Variants in NXPE2 observed in about 807,000 individuals in gnomAD.
The protein encoded by NXPE2 is NXPE family member 2.
Under a neutral mutation model 34.4 loss-of-function variants are expected in NXPE2, and 34 were observed. The observed-to-expected ratio is 0.99, with a 90% CI of 0.75 to 1.31. The LOEUF (loss-of-function observed/expected upper bound fraction) is 1.31, where lower values mean the gene tolerates loss of function less well. Among genes scored for constraint, NXPE2 ranks in the 40% most tolerant of loss-of-function variants. NXPE2 has a pLI of 0.00. For missense variants in NXPE2, 649 were observed against 672.5 expected, an observed-to-expected ratio of 0.97 and a Z score of 0.39; for synonymous variants, 235 against 231.3, an observed-to-expected ratio of 1.02 and a Z score of -0.15.
the NXPE2 span, among the ~76,000 whole-genome samples, chr11:114,775,402 A>C: frequency 6.6e-6 from 1 of 152,186 alleles, no homozygotes; most frequent in East Asian, 1.9e-4. Context: ...CAAGAGGACA[A>C]CACCTTTTCT....
the NXPE2 span, chr11:114,580,391 G>A: frequency 1.3e-6 from 2 of 1,515,620 alleles, no homozygotes; most frequent in Admixed American, 1.7e-5. Flanking sequence ...TTACCCGTCA[G>A]TATGTATTAA....
chr11:114,572,346 C>T, the NXPE2 span, among the ~76,000 whole-genome samples: 2 of 152,044 alleles, frequency 1.3e-5, no homozygotes, highest in East Asian at 1.9e-4. Flanking sequence ...CAGTTCACCA[C>T]CAATGGATCT....
chr11:114,571,488 G>A, the NXPE2 span: 1 of 1,571,012 alleles, frequency 6.4e-7, no homozygotes, highest in Non-Finnish European at 8.6e-7. Flanking sequence ...TAACAAATAG[G>A]CAATCCCAAA....
At chr11:114,497,346 G>T in the NXPE2 span, among the ~76,000 whole-genome samples, 4 of 152,198 alleles carry the variant, frequency 2.6e-5, no homozygotes, top group Non-Finnish European at 5.9e-5. Flanking sequence ...CTTTATAATA[G>T]TGTGTATAAT....
At chr11:114,535,838 C>T in the NXPE2 span, among the ~76,000 whole-genome samples, 2,094 of 152,198 alleles carry the variant, frequency 0.014, 53 homozygotes, top group African/African-American at 0.048. Context: ...TAATGGGAGA[C>T]GTTAACACCC....
chr11:114,804,759 T>A, the NXPE2 span, among the ~76,000 whole-genome samples: 1 of 152,068 alleles, frequency 6.6e-6, no homozygotes, highest in South Asian at 2.1e-4. Flanking sequence ...TTAACAAAGT[T>A]TAATATTGTT....
At chr11:114,656,419 G>GA in the NXPE2 span, among the ~76,000 whole-genome samples, 1 of 152,042 alleles carries the variant, frequency 6.6e-6, no homozygotes, top group Non-Finnish European at 1.5e-5. Flanking sequence ...CACAGAATTA[G>GA]AAAAAACTAT....
chr11:114,516,094 T>C, the NXPE2 span, among the ~76,000 whole-genome samples: 1 of 152,138 alleles, frequency 6.6e-6, no homozygotes, highest in Non-Finnish European at 1.5e-5. Flanking sequence ...ACTACCAGAG[T>C]CAAAATTCAA....
the NXPE2 span, among the ~76,000 whole-genome samples, chr11:114,596,020 T>C: frequency 2.6e-5 from 4 of 152,262 alleles, no homozygotes; most frequent in Admixed American, 6.5e-5. Flanking sequence ...ATAGTTACAA[T>C]AAATAACTGA....
the NXPE2 span, among the ~76,000 whole-genome samples, chr11:114,631,230 T>G: frequency 6.6e-6 from 1 of 151,990 alleles, no homozygotes; most frequent in East Asian, 1.9e-4. Flanking sequence ...ACACATATGT[T>G]TATTGCGGCA....
chr11:114,789,988 C>A, the NXPE2 span, among the ~76,000 whole-genome samples: 1 of 152,166 alleles, frequency 6.6e-6, no homozygotes, highest in Admixed American at 6.5e-5. Flanking sequence ...CAGGGAATTC[C>A]CTACAATGAA....
the NXPE2 span, among the ~76,000 whole-genome samples, chr11:114,633,107 C>A: frequency 8.9e-6 from 1 of 112,826 alleles, no homozygotes; most frequent in Admixed American, 1.1e-4. Flanking sequence ...ATATATTTTA[C>A]ATTATATTTT....
At chr11:114,804,195 T>C in the NXPE2 span, among the ~76,000 whole-genome samples, 3 of 151,056 alleles carry the variant, frequency 2.0e-5, no homozygotes, top group Non-Finnish European at 4.4e-5. Context: ...GCTCATCAAG[T>C]ATCAGGGAAG....
the NXPE2 span, among the ~76,000 whole-genome samples, chr11:114,567,433 C>CTTTCCAGTGAAATGAACTATTCA: frequency 1.3e-5 from 2 of 152,040 alleles, no homozygotes; most frequent in Non-Finnish European, 2.9e-5. Context: ...ACGATCTCTG[C>CTTTCCAGTGAAATGAACTATTCA]TTTCCAGTGA....
At chr11:114,676,690 A>C (rs1346474784), upstream of NXPE2, among the ~76,000 whole-genome samples, 2 of 152,090 alleles carry the variant, frequency 1.3e-5, no homozygotes, top group African/African-American at 2.4e-5. Context: ...TTTGGATAAC[A>C]GTATGGAGAT....
the NXPE2 span, among the ~76,000 whole-genome samples, chr11:114,721,059 C>T: frequency 1.3e-5 from 2 of 152,104 alleles, no homozygotes; most frequent in African/African-American, 4.8e-5. Flanking sequence ...TCCCCTGCTC[C>T]TGCCCCCACA....
the NXPE2 span, among the ~76,000 whole-genome samples, chr11:114,641,963 T>A: frequency 1.3e-5 from 2 of 152,030 alleles, no homozygotes; most frequent in African/African-American, 4.8e-5. Flanking sequence ...CATATTTTTG[T>A]GGTATATAAC....
At chr11:114,545,777 C>T in the NXPE2 span, among the ~76,000 whole-genome samples, 1 of 151,902 alleles carries the variant, frequency 6.6e-6, no homozygotes, top group African/African-American at 2.4e-5. Flanking sequence ...TAACCTCCGC[C>T]TTCCAGGTTC....
the NXPE2 span, among the ~76,000 whole-genome samples, chr11:114,562,112 C>A: frequency 6.6e-6 from 1 of 152,164 alleles, no homozygotes; most frequent in Non-Finnish European, 1.5e-5. Context: ...TCAATTTCTT[C>A]TGATTATTGT....
Sources: gnomAD v4.1 joint callset for allele counts (sites outside exome capture counted in the v4.1 genomes callset) on GRCh38, gnomAD v4.1.1 for gene constraint, MANE v1.5 for transcripts, NCBI Gene and HGNC (gene_info 2026-07-23, HGNC 2026-07-21) for gene names.